Variants in PALD1 observed in about 807,000 individuals in gnomAD.
The protein encoded by PALD1 is paladin.
In PALD1, 57 loss-of-function variants were observed where a neutral mutation model predicts 96.0. The ratio of observed to expected loss-of-function variants is 0.59; its 90% CI spans 0.48 to 0.74. The LOEUF (loss-of-function observed/expected upper bound fraction) is 0.74, where lower values mean the gene tolerates loss of function less well. Ranked by LOEUF, PALD1 falls within the 30% of genes least tolerant of loss-of-function variation. The pLI is 0.00. For synonymous variants in PALD1, 464 were observed against 473.6 expected (o/e 0.98, Z 0.26); for missense variants, 1,063 against 1,143.7 (o/e 0.93, Z 1.02).
chr10:70,554,048 C>T (rs1447141234), intron 18 of PALD1, among the ~76,000 whole-genome samples: 1 of 152,240 alleles, frequency 6.6e-6, no homozygotes, highest in Non-Finnish European at 1.5e-5. Context: ...CACGGCGGTG[C>T]CCCTCTGTTC....
At chr10:70,550,309 C>T (rs1847456021) in intron 18 of PALD1, among the ~76,000 whole-genome samples, 1 of 152,156 alleles carries the variant, frequency 6.6e-6, no homozygotes, top group Non-Finnish European at 1.5e-5. Context: ...ATATTCTAAG[C>T]AGCGGCCCCC....
chr10:70,512,239 T>C (rs537429116), intron 1 of PALD1, among the ~76,000 whole-genome samples: 5 of 152,378 alleles, frequency 3.3e-5, no homozygotes, highest in South Asian at 4.1e-4. Flanking sequence ...GTCTTGGCTC[T>C]GGGCAGCTGT....
intron 1 of PALD1, among the ~76,000 whole-genome samples, chr10:70,490,472 A>G (rs543167889): frequency 2.6e-5 from 4 of 152,352 alleles, no homozygotes; most frequent in Admixed American, 2.0e-4. Context: ...TTGAAAAACA[A>G]CAACAAACCC....
At chr10:70,495,950 G>T (rs1846187320) in intron 1 of PALD1, among the ~76,000 whole-genome samples, 1 of 152,040 alleles carries the variant, frequency 6.6e-6, no homozygotes, top group African/African-American at 2.4e-5. Flanking sequence ...GGTCAAGGCT[G>T]CAGTGAGTCA....
chr10:70,554,943 TC>T (rs1847568449), intron 18 of PALD1, among the ~76,000 whole-genome samples: 4 of 314 alleles, frequency 0.013, no homozygotes, highest in Non-Finnish European at 0.028. Flanking sequence ...CCCCCTCCCC[TC>T]CCCCTCCTCC....
chr10:70,499,973 T>A (rs1846263699), intron 1 of PALD1, among the ~76,000 whole-genome samples: 1 of 152,296 alleles, frequency 6.6e-6, no homozygotes, highest in South Asian at 2.1e-4. Flanking sequence ...CTCAGGTGGA[T>A]CTGTACAGGG....
At chr10:70,549,196 C>T (rs1350329146) in intron 18 of PALD1, among the ~76,000 whole-genome samples, 2 of 152,086 alleles carry the variant, frequency 1.3e-5, no homozygotes, top group Admixed American at 6.5e-5. Context: ...TTTGAGTTAC[C>T]TTTGGGTCCC....
chr10:70,488,679 C>T (rs1846050082), intron 1 of PALD1, among the ~76,000 whole-genome samples: 1 of 152,160 alleles, frequency 6.6e-6, no homozygotes, highest in African/African-American at 2.4e-5. Context: ...AGGGACCCCA[C>T]CACTGCCATG....
At chr10:70,514,997 C>T (rs1014002157) in intron 1 of PALD1, among the ~76,000 whole-genome samples, 3 of 152,170 alleles carry the variant, frequency 2.0e-5, no homozygotes, top group African/African-American at 7.2e-5. Flanking sequence ...AAATATCACC[C>T]TGCAGCTCAC....
At chr10:70,557,959 A>C (rs1589219791) in intron 18 of PALD1, among the ~76,000 whole-genome samples, 1 of 68,192 alleles carries the variant, frequency 1.5e-5, no homozygotes, top group Admixed American at 1.9e-4. Flanking sequence ...TTAGAGACAG[A>C]GTCTTGCTCT....
At chr10:70,554,401 C>G (rs985298086) in intron 18 of PALD1, among the ~76,000 whole-genome samples, 3 of 152,002 alleles carry the variant, frequency 2.0e-5, no homozygotes, top group African/African-American at 7.3e-5. Context: ...TGCACTCTAG[C>G]CTGGGTGACA....
At chr10:70,472,310 G>C in the PALD1 span, among the ~76,000 whole-genome samples, 2 of 152,134 alleles carry the variant, frequency 1.3e-5, no homozygotes, top group African/African-American at 4.8e-5. Flanking sequence ...GCCTGGGCTG[G>C]AGTGCAATGA....
intron 1 of PALD1, among the ~76,000 whole-genome samples, chr10:70,511,336 C>G (rs1846513642): frequency 6.6e-6 from 1 of 152,160 alleles, no homozygotes; most frequent in Admixed American, 6.5e-5. Flanking sequence ...AACTTGATGT[C>G]CACCGCACTG....
chr10:70,511,862 A>G (rs527499555), intron 1 of PALD1, among the ~76,000 whole-genome samples: 7 of 152,226 alleles, frequency 4.6e-5, no homozygotes, highest in South Asian at 2.1e-4. Context: ...CCCCATCTCT[A>G]CTAAAAATAC....
At position 70,529,250 on chromosome 10, in the gene PALD1, C is replaced by T. The variant is rs1054439118; in HGVS notation, c.207C>T (p.Phe69=). The T allele has an allele frequency of 1.9e-6, 2 of 1,054,820 alleles. No homozygotes were observed. The highest frequency in any genetic ancestry group is 2.5e-5 in the South Asian group (2 of 79,382). The allele number at this position is 1,054,820 out of a possible 1,614,324, so 65.3% of individuals were successfully genotyped here. The stretch of plus-strand genomic sequence containing the variant: ...CCAGGTACAACTGCAAGGAGGAGTT[C>T]CAGATCCATGATGAGCTGCTCAAGG... ...VVITYNCKEE[F]QIHDELLKAH... is the part of the protein sequence containing the mutation. The change falls in exon 3 of 20, where the codon TTC becomes TTT. Residue 69 remains phenylalanine (F), a synonymous_variant. Coordinates refer to ENST00000263563, the MANE Select transcript of PALD1 (RefSeq NM_014431.3).
the PALD1 span, among the ~76,000 whole-genome samples, chr10:70,473,443 C>A: frequency 6.6e-6 from 1 of 152,200 alleles, no homozygotes; most frequent in African/African-American, 2.4e-5. Flanking sequence ...AGCTGTCTAT[C>A]TATGGACCCT....
the PALD1 span, among the ~76,000 whole-genome samples, chr10:70,463,460 AGGAGAAAAGGT>A: frequency 1.3e-5 from 2 of 151,916 alleles, no homozygotes; most frequent in African/African-American, 4.8e-5. Context: ...CACCACCTAG[AGGAGAAAAGGT>A]GGTGAGAGGA....
chr10:70,535,874 G>T (rs1298751767), intron 10 of PALD1, among the ~76,000 whole-genome samples: 1 of 151,980 alleles, frequency 6.6e-6, no homozygotes. Context: ...CTTTTTTAGA[G>T]ATGGGGTGTT....
At chr10:70,473,635 G>T in the PALD1 span, among the ~76,000 whole-genome samples, 1 of 143,284 alleles carries the variant, frequency 7.0e-6, no homozygotes, top group African/African-American at 2.6e-5. Context: ...CTCCATAAAT[G>T]TTTGTTTACA....
Sources: gnomAD v4.1 joint callset for allele counts (sites outside exome capture counted in the v4.1 genomes callset) on GRCh38, gnomAD v4.1.1 for gene constraint, MANE v1.5 for transcripts, NCBI Gene and HGNC (gene_info 2026-07-23, HGNC 2026-07-21) for gene names.